RASA2: variants seen among roughly 807,000 people sequenced by gnomAD.
RASA2 encodes the protein RAS p21 protein activator 2.
RASA2 carries 155 observed loss-of-function variants against 118.2 expected under a neutral mutation model. That is an observed-to-expected ratio of 1.31 (90% CI 1.15 to 1.50). RASA2 has a LOEUF of 1.50. Ranked by LOEUF, RASA2 falls within the 40% of genes most tolerant of loss-of-function variation. The pLI is 0.00. For synonymous variants in RASA2, 353 were observed against 349.1 expected, an observed-to-expected ratio of 1.01 and a Z score of -0.12; for missense variants, 1,016 against 1,009.6, an observed-to-expected ratio of 1.01 and a Z score of -0.09.
chr3:141,582,550 T>C (rs2083132024), intron 17 of RASA2, among the ~76,000 whole-genome samples: 1 of 152,208 alleles, frequency 6.6e-6, no homozygotes, highest in Non-Finnish European at 1.5e-5. Context: ...GAGTTGATAA[T>C]GTCAGTGGAG....
chr3:141,562,718 G>T (rs1453866005), intron 9 of RASA2, among the ~76,000 whole-genome samples: 1 of 151,062 alleles, frequency 6.6e-6, no homozygotes, highest in Non-Finnish European at 1.5e-5. Context: ...CTGTCTCCAG[G>T]CTGGAGTGCA....
chr3:141,490,652 T>A (rs1050049196), intron 1 of RASA2, among the ~76,000 whole-genome samples: 1 of 152,164 alleles, frequency 6.6e-6, no homozygotes, highest in Non-Finnish European at 1.5e-5. Context: ...TCACTTAGTT[T>A]CTCTGGTGTC....
chr3:141,598,653 G>A (rs2083412964), intron 19 of RASA2, among the ~76,000 whole-genome samples: 1 of 152,146 alleles, frequency 6.6e-6, no homozygotes, highest in Non-Finnish European at 1.5e-5. Context: ...ATTTAGCAAG[G>A]TCTTGGGATA....
At chr3:141,552,451 A>G (rs867054254) in intron 5 of RASA2, among the ~76,000 whole-genome samples, 2 of 152,180 alleles carry the variant, frequency 1.3e-5, no homozygotes, top group Non-Finnish European at 2.9e-5. Flanking sequence ...ACTTCCTCAC[A>G]TAACCTGTGA....
intron 1 of RASA2, among the ~76,000 whole-genome samples, chr3:141,492,016 T>C (rs2081645158): frequency 1.3e-5 from 2 of 152,198 alleles, no homozygotes; most frequent in South Asian, 2.1e-4. Flanking sequence ...TGATGAGTTA[T>C]TTAGGATGGA....
In RASA2 at chr3:141,572,061, T is replaced by TATAC. The variant is rs1250945462; in HGVS notation, c.1169+508_1169+509insTACA. On this transcript the variant is annotated intron_variant, in intron 11 of 23. Transcript: ENST00000286364. ...ATATATATATATATATATATATATA[T>TATAC]ACACACACACACACACATATGTATT... Among the ~76,000 whole-genome samples the TATAC allele has an allele frequency of 5.3e-3, 519 of 98,158 alleles. 3 individuals carry two copies. The highest frequency in any genetic ancestry group is 5.7e-3 in the Non-Finnish European group (296 of 52,074). 64.4% of individuals were successfully genotyped at this position (98,158 alleles called of 152,430 possible).
At chr3:141,505,357 G>T (rs1244449858) in intron 1 of RASA2, among the ~76,000 whole-genome samples, 1 of 152,204 alleles carries the variant, frequency 6.6e-6, no homozygotes, top group Non-Finnish European at 1.5e-5. Flanking sequence ...TATGATCACT[G>T]TAGTAGAGAT....
chr3:141,535,801 C>T (rs907746483), intron 4 of RASA2, among the ~76,000 whole-genome samples: 11 of 152,166 alleles, frequency 7.2e-5, no homozygotes, highest in African/African-American at 2.7e-4. Flanking sequence ...GGGGGTGGCA[C>T]TCAGCCATTC....
At position 141,571,094 on chromosome 3, in the gene RASA2, A is replaced by T. The variant is rs78413377; in HGVS notation, c.1020+26A>T. ...GTATGTTAAGAATCTTAAGGATATG[A>T]TTTAACACGAAACGGCTAAAATAAT... On this transcript the variant is annotated intron_variant, in intron 10 of 23. Transcript: ENST00000286364. 2.7e-3 allele frequency: 4,161 copies of T among 1,566,566 alleles called. 106 individuals carry two copies. In the African/African-American group the frequency reaches 0.049, roughly 19 times the overall value.
intron 23 of RASA2, among the ~76,000 whole-genome samples, chr3:141,610,564 C>T (rs768003505): frequency 2.2e-4 from 33 of 147,976 alleles, no homozygotes; most frequent in Non-Finnish European, 4.1e-4. Context: ...GATCATAATT[C>T]ACTGTAACCT....
chr3:141,504,543 A>G (rs987291516), intron 1 of RASA2, among the ~76,000 whole-genome samples: 9 of 152,098 alleles, frequency 5.9e-5, no homozygotes, highest in African/African-American at 2.2e-4. Flanking sequence ...TCTTCAAAAT[A>G]CATGCCCAAA....
At chr3:141,607,236 A>G (rs929339708) in intron 19 of RASA2, among the ~76,000 whole-genome samples, 2 of 152,164 alleles carry the variant, frequency 1.3e-5, no homozygotes, top group African/African-American at 4.8e-5. Context: ...TCCCTTCATT[A>G]AATTTAGGTT....
intron 3 of RASA2, among the ~76,000 whole-genome samples, chr3:141,523,711 G>C (rs1048258623): frequency 6.6e-6 from 1 of 152,100 alleles, no homozygotes; most frequent in African/African-American, 2.4e-5. Flanking sequence ...CAAGTAAACT[G>C]ACTATCTTAG....
At chr3:141,601,129 T>G (rs1350288334) in intron 19 of RASA2, among the ~76,000 whole-genome samples, 1 of 151,956 alleles carries the variant, frequency 6.6e-6, no homozygotes, top group Non-Finnish European at 1.5e-5. Flanking sequence ...AACACAAAAT[T>G]TAATTTAAGA....
At chr3:141,491,028 A>C (rs1038386150) in intron 1 of RASA2, among the ~76,000 whole-genome samples, 1 of 152,238 alleles carries the variant, frequency 6.6e-6, no homozygotes. Flanking sequence ...TGTCCAATGT[A>C]TACTGGAGTT....
chr3:141,600,631 CAGG>C (rs765566464), intron 19 of RASA2: 21 of 169,496 alleles, frequency 1.2e-4, no homozygotes, highest in Non-Finnish European at 1.9e-4. Context: ...CGACCCGGAG[CAGG>C]AGGAGTCCTT....
At position 141,572,734 on chromosome 3, in the gene RASA2, T is replaced by C; in HGVS notation, c.1284+11T>C. 1 of 1,531,856 alleles carries C rather than the reference T, an allele frequency of 6.5e-7. No homozygotes were observed. Among genetic ancestry groups the C allele is most frequent in the Non-Finnish European group, 9.0e-7 (1 of 1,113,110 alleles). 94.9% of individuals were successfully genotyped at this position (1,531,856 alleles called of 1,614,324 possible). ...CCTATTCTTGATGAGGTACAGAATA[T>C]ATCTCCAACAATGATAGTTTGTGGC... On this transcript the variant is annotated intron_variant, in intron 12 of 23. Coordinates refer to ENST00000286364, the MANE Select transcript of RASA2 (RefSeq NM_006506.5).
At chr3:141,502,865 A>T (rs979502355) in intron 1 of RASA2, among the ~76,000 whole-genome samples, 1 of 152,116 alleles carries the variant, frequency 6.6e-6, no homozygotes, top group African/African-American at 2.4e-5. Flanking sequence ...CTTGTACTTC[A>T]GGTAACCTTT....
chr3:141,573,123 TTAACTGAAAAATTTATTTTTCAGA>T lies in RASA2; in HGVS notation c.1285-21_1287del. ...TGTCAGACTACTTAGAAAAAAATCA[TTAACTGAAAAATTTATTTTTCAGA>T]TATGTGACTCCTCAAAATCCTGTGA... On this transcript the variant is annotated splice_acceptor_variant and splice_polypyrimidine_tract_variant and coding_sequence_variant and intron_variant, in exon 13 of 24. Coordinates refer to ENST00000286364, the MANE Select transcript of RASA2 (RefSeq NM_006506.5). LOFTEE classifies it high-confidence loss of function. 1 of 1,536,520 alleles carries T rather than the reference TTAACTGAAAAATTTATTTTTCAGA, an allele frequency of 6.5e-7. No homozygotes were observed. Among genetic ancestry groups the T allele is most frequent in the Non-Finnish European group, 8.7e-7 (1 of 1,146,446 alleles).
Sources: allele counts gnomAD v4.1 joint callset (sites outside exome capture counted in the v4.1 genomes callset), GRCh38; gene constraint gnomAD v4.1.1; transcripts MANE v1.5; gene names NCBI Gene and HGNC (gene_info 2026-07-23, HGNC 2026-07-21).